The following SYCP2L variants were observed in gnomAD, a reference collection of about 807,000 sequenced individuals.
The protein encoded by SYCP2L is synaptonemal complex protein 2 like, also known as synaptonemal complex protein 2-like.
In SYCP2L, 98 loss-of-function variants were observed where a neutral mutation model predicts 125.8. The observed-to-expected ratio is 0.78, with a 90% CI of 0.66 to 0.92. The LOEUF is 0.92. Ranked by LOEUF, SYCP2L falls within the 40% of genes least tolerant of loss-of-function variation. SYCP2L has a pLI of 0.00. For missense variants in SYCP2L, 842 were observed against 936.4 expected, an observed-to-expected ratio of 0.90 and a Z score of 1.32; for synonymous variants, 317 against 325.4, an observed-to-expected ratio of 0.97 and a Z score of 0.28.
At chr6:10,904,717 C>T (rs1780453219) in intron 8 of SYCP2L, among the ~76,000 whole-genome samples, 1 of 152,184 alleles carries the variant, frequency 6.6e-6, no homozygotes, top group Admixed American at 6.5e-5. Context: ...TAATTTCGCT[C>T]AGTGGTACTG....
At chr6:10,895,181 A>G (rs1424958093) in intron 4 of SYCP2L, among the ~76,000 whole-genome samples, 1 of 152,220 alleles carries the variant, frequency 6.6e-6, no homozygotes, top group Non-Finnish European at 1.5e-5. Flanking sequence ...AACAGGAAGC[A>G]GGGGAAAGGA....
intron 21 of SYCP2L, among the ~76,000 whole-genome samples, chr6:10,936,507 A>AAAGG (rs1234488677): frequency 6.6e-6 from 1 of 152,156 alleles, no homozygotes; most frequent in Admixed American, 6.5e-5. Context: ...AAATAGATTA[A>AAAGG]AAGGAAGGAA....
intron 23 of SYCP2L, among the ~76,000 whole-genome samples, chr6:10,950,320 C>G (rs16870838): frequency 2.0e-5 from 3 of 151,940 alleles, no homozygotes; most frequent in Non-Finnish European, 4.4e-5. Context: ...ATGAGCGTTC[C>G]GTGCCGTACT....
rs1404473887 is a variant in SYCP2L at position 10,907,627 on chromosome 6, T to C, written c.762T>C (p.Phe254=). ...GGGATGAACTTGTCCATAAATGGTT[T>C]GATGATGAAGTCATTGCTGAAGCTT... is the stretch of plus-strand genomic sequence containing the variant. ...KSRDELVHKW[F]DDEVIAEAFK... The change falls in exon 10 of 30, where the codon TTT becomes TTC. Residue 254 remains phenylalanine, a synonymous_variant. Coordinates refer to ENST00000283141, the MANE Select transcript of SYCP2L (RefSeq NM_001040274.3). 1.2e-6 allele frequency: 2 copies of C among 1,614,056 alleles called. No homozygotes were observed. Among genetic ancestry groups the C allele is most frequent in the Non-Finnish European group, 1.7e-6 (2 of 1,179,980 alleles).
intron 29 of SYCP2L, among the ~76,000 whole-genome samples, chr6:10,973,308 G>A (rs781259286): frequency 9.2e-5 from 14 of 152,122 alleles, no homozygotes; most frequent in Non-Finnish European, 1.8e-4. Flanking sequence ...CGAGGTGGGC[G>A]GATCACCTGA....
intron 14 of SYCP2L, among the ~76,000 whole-genome samples, chr6:10,918,210 AAAAAG>A (rs1282057818): frequency 6.6e-6 from 1 of 151,826 alleles, no homozygotes; most frequent in African/African-American, 2.4e-5. Flanking sequence ...AAAAAAAAAA[AAAAAG>A]AAAAGGAAAG....
intron 29 of SYCP2L, among the ~76,000 whole-genome samples, chr6:10,967,563 A>G (rs899336545): frequency 6.6e-5 from 10 of 151,958 alleles, no homozygotes; most frequent in Admixed American, 3.3e-4. Flanking sequence ...ATGGTTTAAC[A>G]TTTAAGAATC....
chr6:10,926,528 A>G (rs892671387), intron 16 of SYCP2L, 96 bp downstream of exon 16: 35 of 891,980 alleles, frequency 3.9e-5, no homozygotes, highest in Admixed American at 8.4e-5. Flanking sequence ...TGGTCATATG[A>G]GTGATGCGTG....
At chr6:10,940,875 A>G (rs879697078) in intron 21 of SYCP2L, among the ~76,000 whole-genome samples, 1 of 152,164 alleles carries the variant, frequency 6.6e-6, no homozygotes, top group African/African-American at 2.4e-5. Flanking sequence ...TTTCTAAGGG[A>G]GAGAAGAATC....
chr6:10,910,967 A>C, intron 12 of SYCP2L, 98 bp downstream of exon 12: 1 of 1,330,634 alleles, frequency 7.5e-7, no homozygotes, highest in Non-Finnish European at 1.1e-6. Flanking sequence ...CATAACTCAA[A>C]AGGGCTTTTT....
chr6:10,957,877 C>T (rs7745932), intron 25 of SYCP2L, among the ~76,000 whole-genome samples: 48,337 of 151,800 alleles, frequency 0.32, 8,184 homozygotes, highest in African/African-American at 0.43. Flanking sequence ...GGTTGGTGGC[C>T]GGCTGAGTGG....
intron 14 of SYCP2L, among the ~76,000 whole-genome samples, chr6:10,920,466 C>T (rs554282692): frequency 6.6e-6 from 1 of 152,344 alleles, no homozygotes; most frequent in East Asian, 1.9e-4. Flanking sequence ...ATCCAACAGC[C>T]TCGCCCTCCC....
chr6:10,906,894 T>C (rs977204056), intron 9 of SYCP2L, among the ~76,000 whole-genome samples: 21 of 151,480 alleles, frequency 1.4e-4, no homozygotes, highest in South Asian at 2.1e-4. Context: ...CCACCACGCC[T>C]GGCCAGTAGA....
At chr6:10,905,732 G>A (rs935324094) in intron 8 of SYCP2L, among the ~76,000 whole-genome samples, 2 of 152,156 alleles carry the variant, frequency 1.3e-5, no homozygotes, top group Admixed American at 1.3e-4. Context: ...GAATTAATCT[G>A]ATGAACCCTT....
At chr6:10,910,318 G>T in intron 11 of SYCP2L, 118 bp downstream of exon 11, 1 of 887,490 alleles carries the variant, frequency 1.1e-6, no homozygotes. Flanking sequence ...ATCATTTACA[G>T]AGTATACTGA....
intron 20 of SYCP2L, among the ~76,000 whole-genome samples, chr6:10,933,995 G>A (rs1781046481): frequency 6.6e-6 from 1 of 152,126 alleles, no homozygotes; most frequent in Non-Finnish European, 1.5e-5. Flanking sequence ...AGGATCATTA[G>A]GCAGATCAGT....
intron 25 of SYCP2L, among the ~76,000 whole-genome samples, chr6:10,957,826 TA>T (rs1561701199): frequency 6.6e-6 from 1 of 151,980 alleles, no homozygotes. Context: ...CTATTTTTTT[TA>T]AAAAAGAGCA....
At chr6:10,907,242 G>C (rs1581820620) in intron 9 of SYCP2L, among the ~76,000 whole-genome samples, 1 of 152,006 alleles carries the variant, frequency 6.6e-6, no homozygotes, top group East Asian at 1.9e-4. Flanking sequence ...TTCTTGGGAG[G>C]CTGAGGCAGG....
At chr6:10,908,779 A>G (rs1325175305) in intron 10 of SYCP2L, among the ~76,000 whole-genome samples, 1 of 152,222 alleles carries the variant, frequency 6.6e-6, no homozygotes, top group Non-Finnish European at 1.5e-5. Context: ...ATCTCAGTGG[A>G]AAGACCATGA....
Sources: gnomAD v4.1 joint callset for allele counts (sites outside exome capture counted in the v4.1 genomes callset) on GRCh38, gnomAD v4.1.1 for gene constraint, MANE v1.5 for transcripts, NCBI Gene and HGNC (gene_info 2026-07-23, HGNC 2026-07-21) for gene names.